SYN3: variants seen among roughly 807,000 people sequenced by gnomAD.
SYN3 encodes the protein synapsin III.
A neutral mutation model predicts 65.8 loss-of-function variants in SYN3; 35 were observed. That is an observed-to-expected ratio of 0.53 (90% CI 0.41 to 0.70). The LOEUF is 0.70. Among genes scored for constraint, SYN3 ranks in the 30% least tolerant of loss-of-function variants. The pLI is 0.00. For synonymous variants in SYN3, 270 were observed against 292.9 expected (o/e 0.92, Z 0.80); for missense variants, 680 against 749.0 (o/e 0.91, Z 1.08).
rs151264308 is a variant in SYN3 at position 32,978,198 on chromosome 22, G to A, written c.369+2447C>T. On this transcript the variant is annotated intron_variant, in intron 3 of 13. Transcript: ENST00000358763. ...GAGGAAGACTGGACGAGAGTTGAGG[G>A]TGGTCCAGCCAAGGATCTAGGTGAT... 2.5e-3 allele frequency among the ~76,000 whole-genome samples: 375 copies of A among 152,288 alleles called. 3 individuals are homozygous for A. The highest frequency in any genetic ancestry group is 4.4e-3 in the Admixed American group (68 of 15,300).
chr22:32,876,093 C>T (rs1436119386), intron 4 of SYN3, among the ~76,000 whole-genome samples: 1 of 152,266 alleles, frequency 6.6e-6, no homozygotes, highest in African/African-American at 2.4e-5. Flanking sequence ...GACTTATAAA[C>T]AACAGAAATT....
At chr22:33,023,440 TC>T (rs1258281107) in intron 1 of SYN3, among the ~76,000 whole-genome samples, 1 of 152,210 alleles carries the variant, frequency 6.6e-6, no homozygotes, top group African/African-American at 2.4e-5. Flanking sequence ...TTGTGAGGCC[TC>T]CCCAGCCATG....
chr22:32,798,918 C>G (rs1267433280), intron 6 of SYN3, among the ~76,000 whole-genome samples: 2 of 152,036 alleles, frequency 1.3e-5, no homozygotes, highest in Non-Finnish European at 2.9e-5. Context: ...GTCTCGATCT[C>G]CTGACCTCGT....
chr22:32,613,294 C>A (rs1187560986), intron 6 of SYN3, among the ~76,000 whole-genome samples: 1 of 151,810 alleles, frequency 6.6e-6, no homozygotes, highest in Admixed American at 6.6e-5. Flanking sequence ...AAATAAATAA[C>A]AAATAAATAA....
At chr22:32,591,421 A>G (rs1319238081) in intron 7 of SYN3, among the ~76,000 whole-genome samples, 4 of 152,190 alleles carry the variant, frequency 2.6e-5, no homozygotes, top group Admixed American at 2.6e-4. Context: ...GGTTAGATAA[A>G]TCTGGGAATT....
chr22:32,725,116 C>T (rs1170365475), intron 6 of SYN3, among the ~76,000 whole-genome samples: 1 of 152,104 alleles, frequency 6.6e-6, no homozygotes. Context: ...GACTTTGTCT[C>T]AAACAAAACA....
chr22:32,809,285 T>A (rs2145976689), intron 6 of SYN3, among the ~76,000 whole-genome samples: 1 of 152,326 alleles, frequency 6.6e-6, no homozygotes, highest in South Asian at 2.1e-4. Context: ...GGGCTACAAC[T>A]TTTTAGACTT....
At chr22:32,954,427 A>G (rs555519335) in intron 3 of SYN3, among the ~76,000 whole-genome samples, 6 of 152,374 alleles carry the variant, frequency 3.9e-5, no homozygotes, top group Admixed American at 6.5e-5. Context: ...GCAAATGTTC[A>G]GAGATTTTAA....
At chr22:32,539,298 A>G (rs1375094912) in intron 8 of SYN3, among the ~76,000 whole-genome samples, 1 of 134,726 alleles carries the variant, frequency 7.4e-6, no homozygotes, top group South Asian at 2.8e-4. Context: ...GGGCACATAC[A>G]CTGAGATGGA....
At chr22:32,679,803 T>C (rs2060496199) in intron 6 of SYN3, among the ~76,000 whole-genome samples, 1 of 148,396 alleles carries the variant, frequency 6.7e-6, no homozygotes, top group African/African-American at 2.5e-5. Context: ...TCAAGGTTTT[T>C]GCCCACTTTA....
rs2050635493 is a variant in SYN3, at chr22:32,931,563, G to C, written c.370-82C>G. ...GGTTAACACATATTGGGTACTTAGA[G>C]GTACAAAGTACACCTTTAAAGCTCC... On this transcript the variant is annotated intron_variant, in intron 3 of 13. Transcript: ENST00000358763. The C allele has an allele frequency of 6.5e-6, 6 of 922,668 alleles. No homozygotes were observed. The South Asian group carries it at 8.0e-5, about 12-fold the overall frequency. 57.2% of individuals were successfully genotyped at this position (922,668 alleles called of 1,614,324 possible).
At chr22:33,009,230 T>C (rs2053285739) in intron 1 of SYN3, among the ~76,000 whole-genome samples, 1 of 152,156 alleles carries the variant, frequency 6.6e-6, no homozygotes, top group Non-Finnish European at 1.5e-5. Flanking sequence ...GTTGTTTGAT[T>C]TTGCACACTC....
At chr22:32,678,424 G>A (rs2060476316) in intron 6 of SYN3, among the ~76,000 whole-genome samples, 2 of 152,108 alleles carry the variant, frequency 1.3e-5, no homozygotes, top group African/African-American at 2.4e-5. Context: ...TCCAGGCAAG[G>A]TCCCTCAACA....
chr22:32,945,072 C>T (rs1386817980), intron 3 of SYN3, among the ~76,000 whole-genome samples: 3 of 152,194 alleles, frequency 2.0e-5, no homozygotes, highest in Non-Finnish European at 4.4e-5. Context: ...ACATTCCATG[C>T]TCATGGATAG....
At chr22:32,959,629 C>T (rs1243781335) in intron 3 of SYN3, among the ~76,000 whole-genome samples, 3 of 151,648 alleles carry the variant, frequency 2.0e-5, no homozygotes, top group African/African-American at 4.8e-5. Context: ...CCTTGAGACT[C>T]GGTTGCTCAG....
At position 32,758,246 on chromosome 22, in the gene SYN3, T is replaced by A. The variant is rs1569201031; in HGVS notation, c.711+106669A>T. On this transcript the variant is annotated intron_variant, in intron 6 of 13. Coordinates refer to ENST00000358763, the MANE Select transcript of SYN3 (RefSeq NM_003490.4). ...ATTATGACCTTATTATTGTCTTTATTTGAAGATTATGTATGATCTGAGGAG... is the reference window on the plus strand; with the variant it reads ...ATTATGACCTTATTATTGTCTTTATATGAAGATTATGTATGATCTGAGGAG... Among the ~76,000 whole-genome samples, 3 of 152,254 alleles carry A rather than the reference T, an allele frequency of 2.0e-5. No individual in the cohort carries two copies. The South Asian group carries it at 6.2e-4, about 32-fold the overall frequency.
At chr22:32,912,133 T>C (rs137543) in intron 4 of SYN3, among the ~76,000 whole-genome samples, 36,947 of 152,120 alleles carry the variant, frequency 0.24, 4,753 homozygotes, top group Middle Eastern at 0.34. Flanking sequence ...GCTTAATACA[T>C]GGGAGCTATA....
At chr22:32,715,622 T>C (rs2061027100) in intron 6 of SYN3, among the ~76,000 whole-genome samples, 1 of 151,612 alleles carries the variant, frequency 6.6e-6, no homozygotes, top group South Asian at 2.1e-4. Context: ...CTACTAAAAA[T>C]ACAAAATATT....
intron 6 of SYN3, among the ~76,000 whole-genome samples, chr22:32,847,421 G>A (rs570157278): frequency 6.6e-6 from 1 of 152,268 alleles, no homozygotes; most frequent in Non-Finnish European, 1.5e-5. Flanking sequence ...AGCTGCCTCC[G>A]CTAAATTGCT....
Sources: allele counts gnomAD v4.1 joint callset (sites outside exome capture counted in the v4.1 genomes callset), GRCh38; gene constraint gnomAD v4.1.1; transcripts MANE v1.5; gene names NCBI Gene and HGNC (gene_info 2026-07-23, HGNC 2026-07-21).